MYCBP2: variants seen among roughly 807,000 people sequenced by gnomAD.
MYCBP2 encodes E3 ubiquitin-protein ligase MYCBP2.
In MYCBP2, 120 loss-of-function variants were observed where a neutral mutation model predicts 525.3. The ratio of observed to expected loss-of-function variants is 0.23; its 90% CI spans 0.20 to 0.27. The LOEUF (loss-of-function observed/expected upper bound fraction) is 0.27. Ranked by LOEUF, MYCBP2 falls within the 10% of genes least tolerant of loss-of-function variation. The pLI, the probability that MYCBP2 is intolerant of heterozygous loss-of-function variation, is 1.00. For missense variants in MYCBP2, 4,149 were observed against 5,657.1 expected, an observed-to-expected ratio of 0.73 and a Z score of 8.55; for synonymous variants, 1,894 against 1,955.8, an observed-to-expected ratio of 0.97 and a Z score of 0.83.
chr13:77,147,658 G>C (rs1245900620), intron 47 of MYCBP2, among the ~76,000 whole-genome samples: 1 of 152,026 alleles, frequency 6.6e-6, no homozygotes, highest in Non-Finnish European at 1.5e-5. Context: ...GCAAGTTAAG[G>C]CTGAGTCTTT....
At chr13:77,241,568 A>G (rs1408933241) in intron 17 of MYCBP2, among the ~76,000 whole-genome samples, 1 of 152,188 alleles carries the variant, frequency 6.6e-6, no homozygotes, top group East Asian at 1.9e-4. Flanking sequence ...CTGTTTTGTA[A>G]GAAATATTTA....
chr13:77,233,723 T>G (rs1472098416), intron 17 of MYCBP2, among the ~76,000 whole-genome samples: 2 of 152,122 alleles, frequency 1.3e-5, no homozygotes. Flanking sequence ...GTTTAATATT[T>G]GTATTAATCT....
chr13:77,099,573 A>T (rs1413691204), intron 55 of MYCBP2: 1 of 164,092 alleles, frequency 6.1e-6, no homozygotes, highest in East Asian at 1.8e-4. Context: ...CTGTTTTATG[A>T]TCAGATTAGA....
intron 46 of MYCBP2, among the ~76,000 whole-genome samples, chr13:77,152,598 C>T (rs1374329057): frequency 1.3e-5 from 2 of 152,120 alleles, no homozygotes; most frequent in East Asian, 1.9e-4. Context: ...AGACAAGTGG[C>T]GAATACCAAG....
rs972941169 is a variant in MYCBP2 at position 77,133,862 on chromosome 13, CAATTT to C, written c.7659+5329_7659+5333del. On this transcript the variant is annotated intron_variant, in intron 52 of 82. Coordinates refer to ENST00000544440, the MANE Select transcript of MYCBP2 (RefSeq NM_015057.5). Reference sequence around the variant, plus strand: ...AGCCATTCCACAACTTATCACAATGCAATTTAATTATGTGAATATGGTATGTCTAC... The same window carrying C: ...AGCCATTCCACAACTTATCACAATGCAATTATGTGAATATGGTATGTCTAC... Among the ~76,000 whole-genome samples the C allele has an allele frequency of 2.6e-5, 4 of 152,132 alleles. No homozygotes were observed. The East Asian group carries it at 7.7e-4, about 29-fold the overall frequency.
intron 3 of MYCBP2, 29 bp downstream of exon 3, chr13:77,288,132 C>T (rs9544447): frequency 6.2e-7 from 1 of 1,608,276 alleles, no homozygotes; most frequent in South Asian, 1.1e-5. Context: ...GGTTACACAT[C>T]TAAATATTAA....
intron 46 of MYCBP2, among the ~76,000 whole-genome samples, chr13:77,155,420 A>G (rs1456596059): frequency 1.3e-5 from 2 of 152,152 alleles, no homozygotes; most frequent in Admixed American, 1.3e-4. Context: ...CTGCCTATAT[A>G]AAATTTTATT....
rs1432572992 is a variant in MYCBP2 at position 77,191,838 on chromosome 13, A to C, written c.3936-25T>G. The C allele has an allele frequency of 3.7e-6, 6 of 1,609,918 alleles. No individual in the cohort carries two copies. In the Admixed American group the frequency reaches 8.4e-5, roughly 22 times the overall value. ...TCTGAGAAAAAATTAGTGAGTCAAAAACAATATTTTCTTACTTCTCTGTCA... is the reference window on the plus strand; with the variant it reads ...TCTGAGAAAAAATTAGTGAGTCAAACACAATATTTTCTTACTTCTCTGTCA... On this transcript the variant is annotated intron_variant, in intron 27 of 82. Transcript: ENST00000544440.
chr13:77,238,175 G>T (rs970408784), intron 17 of MYCBP2, among the ~76,000 whole-genome samples: 1 of 150,094 alleles, frequency 6.7e-6, no homozygotes, highest in African/African-American at 2.5e-5. Context: ...CCCAGGAGGC[G>T]GAGCTTGCAG....
chr13:77,139,429 G>C, intron 51 of MYCBP2, 93 bp from the exon 52 acceptor site: 2 of 1,344,024 alleles, frequency 1.5e-6, no homozygotes, highest in Non-Finnish European at 2.0e-6. Flanking sequence ...AAAAATGATG[G>C]TGCATGTGCA....
chr13:77,217,197 C>T (rs367726903), intron 21 of MYCBP2, among the ~76,000 whole-genome samples: 12 of 152,310 alleles, frequency 7.9e-5, no homozygotes, highest in Admixed American at 3.9e-4. Flanking sequence ...TCATCTCAGA[C>T]ACTTAGGTTC....
At chr13:77,312,891 A>G (rs554918267) in intron 1 of MYCBP2, among the ~76,000 whole-genome samples, 1 of 152,136 alleles carries the variant, frequency 6.6e-6, no homozygotes, top group East Asian at 1.9e-4. Flanking sequence ...AAAAACATAA[A>G]CATCCAAACA....
At chr13:77,063,035 T>C (rs568390207) in intron 73 of MYCBP2, among the ~76,000 whole-genome samples, 323 of 152,364 alleles carry the variant, frequency 2.1e-3, no homozygotes, top group Non-Finnish European at 3.0e-3. Flanking sequence ...TTACTACTAA[T>C]GTCTTCTGAA....
intron 34 of MYCBP2, among the ~76,000 whole-genome samples, chr13:77,178,531 C>T (rs780808579): frequency 6.6e-6 from 1 of 152,196 alleles, no homozygotes; most frequent in African/African-American, 2.4e-5. Flanking sequence ...TATTTGAATA[C>T]GTACACATAC....
At chr13:77,212,190 T>C (rs368720361) in intron 21 of MYCBP2, 30 bp from the exon 22 acceptor site, 14 of 1,588,240 alleles carry the variant, frequency 8.8e-6, no homozygotes, top group Non-Finnish European at 1.1e-5. Context: ...ATATTAGCAA[T>C]ATTGCTGTGT....
chr13:77,152,430 G>C (rs150955834), intron 46 of MYCBP2, among the ~76,000 whole-genome samples: 1 of 152,332 alleles, frequency 6.6e-6, no homozygotes, highest in East Asian at 1.9e-4. Context: ...CTGGATAGGA[G>C]AAGGTGGTTC....
At chr13:77,143,607 T>C (rs1259854437) in intron 49 of MYCBP2, among the ~76,000 whole-genome samples, 3 of 152,190 alleles carry the variant, frequency 2.0e-5, no homozygotes, top group Admixed American at 6.5e-5. Flanking sequence ...GACTCCATAA[T>C]TGTGCGAGCC....
chr13:77,298,427 G>A (rs755799778), intron 1 of MYCBP2, among the ~76,000 whole-genome samples: 3 of 152,212 alleles, frequency 2.0e-5, no homozygotes, highest in Non-Finnish European at 2.9e-5. Context: ...TTGCTTCCTC[G>A]CCAAGCTAAA....
chr13:77,051,778 A>T (rs770251607), intron 81 of MYCBP2, 33 bp downstream of exon 81: 1 of 1,512,538 alleles, frequency 6.6e-7, no homozygotes, highest in South Asian at 1.1e-5. Context: ...TAACATTTCT[A>T]AACTGTTGTT....
Sources: allele counts gnomAD v4.1 joint callset (sites outside exome capture counted in the v4.1 genomes callset), GRCh38; gene constraint gnomAD v4.1.1; transcripts MANE v1.5; gene names NCBI Gene and HGNC (gene_info 2026-07-23, HGNC 2026-07-21).